Variants in PLD5 observed in about 807,000 individuals in gnomAD.
PLD5 encodes the protein inactive phospholipase D5.
A neutral mutation model predicts 61.1 loss-of-function variants in PLD5; 36 were observed. The ratio of observed to expected loss-of-function variants is 0.59; its 90% CI spans 0.45 to 0.78. The LOEUF (loss-of-function observed/expected upper bound fraction) is 0.78. Ranked by LOEUF, PLD5 falls within the 30% of genes least tolerant of loss-of-function variation. The pLI, the probability that PLD5 is intolerant of heterozygous loss-of-function variation, is 0.00. For synonymous variants in PLD5, 243 were observed against 242.8 expected (o/e 1.00, Z -0.01); for missense variants, 515 against 644.4 (o/e 0.80, Z 2.17).
intron 1 of PLD5, among the ~76,000 whole-genome samples, chr1:242,411,699 G>C (rs1027227711): frequency 4.6e-5 from 7 of 152,192 alleles, no homozygotes; most frequent in Non-Finnish European, 8.8e-5. Flanking sequence ...TTCACATGCA[G>C]TTGTAAGAAA....
At chr1:242,325,531 C>T (rs1213723892) in intron 2 of PLD5, among the ~76,000 whole-genome samples, 1 of 151,976 alleles carries the variant, frequency 6.6e-6, no homozygotes, top group Non-Finnish European at 1.5e-5. Flanking sequence ...GTCAGTCTTG[C>T]TCTGTCGCCA....
chr1:242,170,251 TTGCTGTTC>T (rs1666650342), intron 5 of PLD5, among the ~76,000 whole-genome samples: 1 of 152,204 alleles, frequency 6.6e-6, no homozygotes, highest in Non-Finnish European at 1.5e-5. Flanking sequence ...GCAGCAATCT[TTGCTGTTC>T]TGCAGCCTCC....
At chr1:242,416,652 T>C (rs1664848774) in intron 1 of PLD5, among the ~76,000 whole-genome samples, 1 of 152,250 alleles carries the variant, frequency 6.6e-6, no homozygotes, top group South Asian at 2.1e-4. Context: ...CTTGACTTCC[T>C]GGCCATTGGT....
At chr1:242,287,557 A>G (rs1019712708) in intron 3 of PLD5, among the ~76,000 whole-genome samples, 3 of 152,156 alleles carry the variant, frequency 2.0e-5, no homozygotes, top group Middle Eastern at 6.3e-3. Context: ...TCAAAGTACC[A>G]ATGAGATCAT....
chr1:242,092,123 G>C (rs776952978), intron 9 of PLD5, among the ~76,000 whole-genome samples: 1 of 151,740 alleles, frequency 6.6e-6, no homozygotes, highest in African/African-American at 2.4e-5. Flanking sequence ...CCACTGTGCC[G>C]GGCCTGATTT....
chr1:242,492,360 C>T (rs1209185436), intron 1 of PLD5, among the ~76,000 whole-genome samples: 3 of 150,232 alleles, frequency 2.0e-5, no homozygotes. Context: ...AAAAAAAAAA[C>T]AAATACTAAA....
intron 2 of PLD5, among the ~76,000 whole-genome samples, chr1:242,293,533 A>T (rs1245238368): frequency 6.6e-6 from 1 of 152,174 alleles, no homozygotes; most frequent in East Asian, 1.9e-4. Context: ...GTAGATATGA[A>T]TAGGAAAAAA....
chr1:242,420,473 T>A (rs1665077954), intron 1 of PLD5, among the ~76,000 whole-genome samples: 1 of 152,298 alleles, frequency 6.6e-6, no homozygotes, highest in South Asian at 2.1e-4. Context: ...CTTTAGATAC[T>A]AAAAACATCC....
intron 9 of PLD5, among the ~76,000 whole-genome samples, chr1:242,097,814 C>G (rs1265170518): frequency 1.3e-5 from 2 of 152,152 alleles, no homozygotes; most frequent in African/African-American, 4.8e-5. Context: ...GACATGAAGT[C>G]CTTGCCCATG....
chr1:242,122,949 C>T (rs1404820048), intron 6 of PLD5, among the ~76,000 whole-genome samples: 1 of 152,158 alleles, frequency 6.6e-6, no homozygotes. Context: ...GTTGAAATAG[C>T]AATATTAAAT....
intron 2 of PLD5, among the ~76,000 whole-genome samples, chr1:242,316,867 T>C (rs909512282): frequency 7.2e-4 from 110 of 152,270 alleles, no homozygotes; most frequent in Admixed American, 4.6e-4. Context: ...CATGCGGTAT[T>C]TTGTTTTCTG....
chr1:242,136,455 A>G (rs1663740614), intron 5 of PLD5, among the ~76,000 whole-genome samples: 1 of 152,148 alleles, frequency 6.6e-6, no homozygotes, highest in Admixed American at 6.5e-5. Context: ...TAGTGCTTTG[A>G]ATGGAGCAGC....
intron 5 of PLD5, among the ~76,000 whole-genome samples, chr1:242,200,827 T>C (rs1668947143): frequency 6.6e-6 from 1 of 152,194 alleles, no homozygotes; most frequent in African/African-American, 2.4e-5. Context: ...TCAGGCTTCA[T>C]GGAAAATTTC....
intron 5 of PLD5, among the ~76,000 whole-genome samples, chr1:242,198,926 G>T (rs1408543675): frequency 1.3e-5 from 2 of 151,810 alleles, no homozygotes; most frequent in East Asian, 1.9e-4. Context: ...TACAGACGGG[G>T]TTTCTCCATG....
chr1:242,158,595 G>T (rs554015137), intron 5 of PLD5, among the ~76,000 whole-genome samples: 2 of 152,032 alleles, frequency 1.3e-5, no homozygotes, highest in African/African-American at 4.8e-5. Flanking sequence ...TGCACTTCCC[G>T]GGTGAGGCAA....
chr1:242,261,286 G>C (rs185546462), intron 4 of PLD5, among the ~76,000 whole-genome samples: 8 of 152,210 alleles, frequency 5.3e-5, no homozygotes, highest in Admixed American at 5.2e-4. Flanking sequence ...TTTTTTAAAC[G>C]AACGACCCTC....
chr1:242,124,666 C>T lies in PLD5; in HGVS notation c.736-1G>A. On this transcript the variant is annotated splice_acceptor_variant, in intron 5 of 9. Transcript: ENST00000536534. LOFTEE classifies it high-confidence loss of function. ...AGAAGATGACACCGAGTTCTTTCATCTGTGAAATTAAAATTGAAAGCATCA... is the reference window on the plus strand; with the variant it reads ...AGAAGATGACACCGAGTTCTTTCATTTGTGAAATTAAAATTGAAAGCATCA... 1 of 1,610,708 alleles carries T rather than the reference C, an allele frequency of 6.2e-7. No individual in the cohort carries two copies. Among genetic ancestry groups the T allele is most frequent in the Non-Finnish European group, 8.5e-7 (1 of 1,178,210 alleles).
intron 1 of PLD5, among the ~76,000 whole-genome samples, chr1:242,482,948 C>T (rs1237941217): frequency 6.6e-6 from 1 of 152,144 alleles, no homozygotes; most frequent in African/African-American, 2.4e-5. Flanking sequence ...ATTTCATATC[C>T]AGCCAAACTA....
At chr1:242,332,427 T>C (rs1197850830) in intron 2 of PLD5, among the ~76,000 whole-genome samples, 1 of 152,176 alleles carries the variant, frequency 6.6e-6, no homozygotes, top group Non-Finnish European at 1.5e-5. Context: ...TCAAATGATA[T>C]TTCTGGTTCT....
Sources: gnomAD v4.1 joint callset for allele counts (sites outside exome capture counted in the v4.1 genomes callset) on GRCh38, gnomAD v4.1.1 for gene constraint, MANE v1.5 for transcripts, NCBI Gene and HGNC (gene_info 2026-07-23, HGNC 2026-07-21) for gene names.